The following CHRM3 variants were observed in gnomAD, a reference collection of about 807,000 sequenced individuals.
CHRM3 encodes the protein muscarinic acetylcholine receptor M3.
A neutral mutation model predicts 41.8 loss-of-function variants in CHRM3; 11 were observed. That is an observed-to-expected ratio of 0.26 (90% CI 0.17 to 0.44). The LOEUF is 0.44. Among genes scored for constraint, CHRM3 ranks in the 20% least tolerant of loss-of-function variants. The pLI is 1.00. For synonymous variants in CHRM3, 297 were observed against 301.4 expected, an observed-to-expected ratio of 0.99 and a Z score of 0.15; for missense variants, 571 against 745.4, an observed-to-expected ratio of 0.77 and a Z score of 2.72.
chr1:239,668,898 G>T (rs1335100034), intron 4 of CHRM3, among the ~76,000 whole-genome samples: 1 of 152,194 alleles, frequency 6.6e-6, no homozygotes, highest in South Asian at 2.1e-4. Flanking sequence ...TAGGAGAAAT[G>T]CCATATTCCA....
At chr1:239,618,465 GTAGTA>G (rs79742629) in intron 3 of CHRM3, among the ~76,000 whole-genome samples, 38,620 of 150,206 alleles carry the variant, frequency 0.26, 5,838 homozygotes, top group East Asian at 0.51. Context: ...TAATTAGAAT[GTAGTA>G]TATGCCCATT....
chr1:239,445,345 A>G (rs937100113), intron 1 of CHRM3, among the ~76,000 whole-genome samples: 18 of 152,190 alleles, frequency 1.2e-4, no homozygotes, highest in Admixed American at 5.9e-4. Context: ...GGGAAAATAT[A>G]TATGGAACTT....
At chr1:239,715,161 T>C (rs974534424) in intron 5 of CHRM3, among the ~76,000 whole-genome samples, 2 of 152,118 alleles carry the variant, frequency 1.3e-5, no homozygotes, top group African/African-American at 4.8e-5. Context: ...GAGTTACTGA[T>C]TACCTTGGAA....
intron 1 of CHRM3, among the ~76,000 whole-genome samples, chr1:239,463,264 C>T (rs1486357055): frequency 6.6e-6 from 1 of 152,070 alleles, no homozygotes; most frequent in Non-Finnish European, 1.5e-5. Flanking sequence ...AAACCAAGGT[C>T]AGAATTTTTT....
chr1:239,546,148 G>T (rs930915872), intron 3 of CHRM3: 4 of 152,004 alleles, frequency 2.6e-5, no homozygotes, highest in Non-Finnish European at 5.9e-5. Flanking sequence ...ATTATACAGG[G>T]TATTTGATGT....
At chr1:239,764,535 T>C (rs1667050140) in intron 5 of CHRM3, among the ~76,000 whole-genome samples, 1 of 151,978 alleles carries the variant, frequency 6.6e-6, no homozygotes, top group Non-Finnish European at 1.5e-5. Flanking sequence ...GGGGGTGAAG[T>C]GGAATAGGGG....
chr1:239,532,378 A>T (rs1173439015), intron 2 of CHRM3, among the ~76,000 whole-genome samples: 1 of 144,972 alleles, frequency 6.9e-6, no homozygotes, highest in Non-Finnish European at 1.5e-5. Context: ...CTGTAATCCC[A>T]GCACTTCAGG....
chr1:239,880,748 C>T (rs943926592), intron 6 of CHRM3, among the ~76,000 whole-genome samples: 2 of 152,154 alleles, frequency 1.3e-5, no homozygotes, highest in Admixed American at 6.5e-5. Context: ...CCTCCCACCT[C>T]AGCCTCTCAA....
intron 2 of CHRM3, among the ~76,000 whole-genome samples, chr1:239,516,735 G>A (rs1437440907): frequency 6.6e-6 from 1 of 152,210 alleles, no homozygotes; most frequent in African/African-American, 2.4e-5. Context: ...GCCGCACAGC[G>A]GGAGGTGAGT....
intron 1 of CHRM3, among the ~76,000 whole-genome samples, chr1:239,456,338 A>G (rs2103358035): frequency 6.6e-6 from 1 of 152,290 alleles, no homozygotes; most frequent in South Asian, 2.1e-4. Context: ...TTTATCTTTT[A>G]TAAGGAACTT....
intron 3 of CHRM3, among the ~76,000 whole-genome samples, chr1:239,609,632 C>T (rs1666762472): frequency 6.6e-6 from 1 of 152,158 alleles, no homozygotes; most frequent in Non-Finnish European, 1.5e-5. Context: ...ATTCCAGTTG[C>T]CCCTACATCT....
intron 4 of CHRM3, among the ~76,000 whole-genome samples, chr1:239,666,336 G>A (rs61834785): frequency 0.033 from 4,840 of 148,014 alleles, 116 homozygotes; most frequent in Admixed American, 0.061. Flanking sequence ...CTGGGACTAC[G>A]GGTGCCTGCC....
chr1:239,792,777 A>G (rs1199707055), intron 5 of CHRM3, among the ~76,000 whole-genome samples: 4 of 152,216 alleles, frequency 2.6e-5, no homozygotes, highest in Non-Finnish European at 4.4e-5. Flanking sequence ...CTTAAAATTT[A>G]AGCCCTGGAC....
In CHRM3 at chr1:239,757,298, T is replaced by C. The variant is rs182301720; in HGVS notation, c.-146-69954T>C. On this transcript the variant is annotated intron_variant, in intron 5 of 6. Coordinates refer to ENST00000676153, the MANE Select transcript of CHRM3 (RefSeq NM_001375978.1). The stretch of plus-strand genomic sequence containing the variant: ...TTTCTTATCCTGTTTTATTAATGAA[T>C]GTGTATTACATCTCCATTCCGTATA... 4.6e-5 allele frequency among the ~76,000 whole-genome samples: 7 copies of C among 152,276 alleles called. No individual in the cohort carries two copies. In the East Asian group the frequency reaches 1.4e-3, roughly 29 times the overall value.
intron 2 of CHRM3, among the ~76,000 whole-genome samples, chr1:239,533,287 G>A (rs1336917717): frequency 6.6e-6 from 1 of 152,138 alleles, no homozygotes; most frequent in Non-Finnish European, 1.5e-5. Context: ...ATACCCGAGA[G>A]TGGGTAATTT....
chr1:239,644,856 A>G (rs1671598770), intron 4 of CHRM3, among the ~76,000 whole-genome samples: 1 of 152,212 alleles, frequency 6.6e-6, no homozygotes, highest in Non-Finnish European at 1.5e-5. Context: ...GCAGGGTCCC[A>G]TGGCCTGGGG....
chr1:239,825,760 G>C (rs1672407836), intron 5 of CHRM3, among the ~76,000 whole-genome samples: 1 of 151,956 alleles, frequency 6.6e-6, no homozygotes, highest in African/African-American at 2.4e-5. Context: ...TTTTTCCCAG[G>C]ATGGAGTGCA....
At chr1:239,462,005 C>T (rs1407092154) in intron 1 of CHRM3, among the ~76,000 whole-genome samples, 1 of 152,092 alleles carries the variant, frequency 6.6e-6, no homozygotes, top group Non-Finnish European at 1.5e-5. Context: ...TGGGTAATAC[C>T]GCTTCTCTCA....
At chr1:239,683,353 A>G (rs1658752894) in intron 5 of CHRM3, among the ~76,000 whole-genome samples, 1 of 152,198 alleles carries the variant, frequency 6.6e-6, no homozygotes, top group Non-Finnish European at 1.5e-5. Context: ...ATGGTAATTC[A>G]TCAGATTAGA....
Sources: gnomAD v4.1 joint callset for allele counts (sites outside exome capture counted in the v4.1 genomes callset) on GRCh38, gnomAD v4.1.1 for gene constraint, MANE v1.5 for transcripts, NCBI Gene and HGNC (gene_info 2026-07-23, HGNC 2026-07-21) for gene names.